AFAP1L2: variants seen among roughly 807,000 people sequenced by gnomAD.
The protein encoded by AFAP1L2 is actin filament associated protein 1 like 2.
In AFAP1L2, 46 loss-of-function variants were observed where a neutral mutation model predicts 99.3. That is an observed-to-expected ratio of 0.46 (90% CI 0.37 to 0.59). The LOEUF (loss-of-function observed/expected upper bound fraction) is 0.59. Ranked by LOEUF, AFAP1L2 falls within the 20% of genes least tolerant of loss-of-function variation. The probability of loss-of-function intolerance (pLI) is 0.00; values close to 1 mark genes in which losing one functional copy is unlikely to be tolerated. For missense variants in AFAP1L2, 959 were observed against 1,034.9 expected, an observed-to-expected ratio of 0.93 and a Z score of 1.01; for synonymous variants, 397 against 419.1, an observed-to-expected ratio of 0.95 and a Z score of 0.64.
At chr10:114,392,426 T>A (rs1435037556) in intron 1 of AFAP1L2, among the ~76,000 whole-genome samples, 1 of 152,132 alleles carries the variant, frequency 6.6e-6, no homozygotes, top group Non-Finnish European at 1.5e-5. Flanking sequence ...TTTGTGTGCA[T>A]CCAAGTTAAA....
intron 1 of AFAP1L2, among the ~76,000 whole-genome samples, chr10:114,370,392 C>T (rs2053930092): frequency 6.6e-6 from 1 of 152,202 alleles, no homozygotes; most frequent in African/African-American, 2.4e-5. Context: ...AATGGAGTGG[C>T]TGGAAATACT....
intron 5 of AFAP1L2, among the ~76,000 whole-genome samples, chr10:114,316,422 A>T (rs1590087648): frequency 6.6e-6 from 1 of 152,306 alleles, no homozygotes; most frequent in East Asian, 1.9e-4. Flanking sequence ...TCTCCCAGTC[A>T]TAGCCCTTCT....
intron 10 of AFAP1L2, among the ~76,000 whole-genome samples, chr10:114,306,910 A>G (rs2042544744): frequency 1.3e-5 from 2 of 152,130 alleles, no homozygotes; most frequent in Non-Finnish European, 2.9e-5. Flanking sequence ...AAGCCGGAGA[A>G]TGCAAAGACA....
the AFAP1L2 span, among the ~76,000 whole-genome samples, chr10:114,284,186 A>T: frequency 6.6e-6 from 1 of 152,254 alleles, no homozygotes; most frequent in African/African-American, 2.4e-5. Flanking sequence ...TTTCCCATGT[A>T]AACTTTCAGC....
At chr10:114,368,684 G>A (rs1353135695) in intron 1 of AFAP1L2, among the ~76,000 whole-genome samples, 2 of 151,488 alleles carry the variant, frequency 1.3e-5, no homozygotes, top group African/African-American at 4.9e-5. Flanking sequence ...CAAAGTGCTG[G>A]GATTGCAGGC....
the AFAP1L2 span, among the ~76,000 whole-genome samples, chr10:114,287,639 C>A: frequency 6.6e-6 from 1 of 151,988 alleles, no homozygotes; most frequent in African/African-American, 2.4e-5. Context: ...CCACCCTGCC[C>A]CTCCAGGCTG....
intron 1 of AFAP1L2, among the ~76,000 whole-genome samples, chr10:114,378,863 T>C (rs1397863045): frequency 1.3e-5 from 2 of 152,058 alleles, no homozygotes; most frequent in African/African-American, 2.4e-5. Context: ...TAAGACAAAG[T>C]CAGCAAAATT....
At chr10:114,340,561 T>A in intron 2 of AFAP1L2, 42 bp downstream of exon 2, 1 of 1,587,850 alleles carries the variant, frequency 6.3e-7, no homozygotes. Context: ...AACCATCTCT[T>A]TTGGCGTGGA....
intron 1 of AFAP1L2, among the ~76,000 whole-genome samples, chr10:114,381,947 A>T (rs1285312155): frequency 1.3e-5 from 2 of 152,194 alleles, no homozygotes; most frequent in Non-Finnish European, 2.9e-5. Flanking sequence ...AGTATAAATT[A>T]TCAGGAAGAG....
chr10:114,285,123 G>A, the AFAP1L2 span: 845 of 591,562 alleles, frequency 1.4e-3, 3 homozygotes, highest in African/African-American at 0.014. Flanking sequence ...TTCACGTGGT[G>A]CAGCCTGTCA....
chr10:114,335,167 T>C (rs1189003157), intron 2 of AFAP1L2, among the ~76,000 whole-genome samples: 2 of 152,136 alleles, frequency 1.3e-5, no homozygotes, highest in South Asian at 2.1e-4. Context: ...ATTTTAGAGA[T>C]GATTTTGGAG....
chr10:114,334,429 T>C lies in AFAP1L2; in HGVS notation c.146-1134A>G, dbSNP rs867542070. Among the ~76,000 whole-genome samples, 9 of 152,222 alleles carry C rather than the reference T, an allele frequency of 5.9e-5. No individual in the cohort carries two copies. The South Asian group carries it at 8.3e-4, about 14-fold the overall frequency. On this transcript the variant is annotated intron_variant, in intron 2 of 18. Transcript: ENST00000304129. ...TTCCAGTGGTTAGAGACCGCGTTAC[T>C]GAGCCAAAGGACCCAGTTCTAACCT...
At chr10:114,294,300 A>G (rs1321928559), downstream of AFAP1L2, among the ~76,000 whole-genome samples, 1 of 152,206 alleles carries the variant, frequency 6.6e-6, no homozygotes, top group African/African-American at 2.4e-5. Context: ...TGGAAAATAC[A>G]TATTTCTCAA....
chr10:114,349,702 C>A (rs770622338), intron 1 of AFAP1L2, among the ~76,000 whole-genome samples: 8 of 151,194 alleles, frequency 5.3e-5, no homozygotes, highest in Non-Finnish European at 1.0e-4. Flanking sequence ...AGACTGTAGT[C>A]ATTTCTGCCT....
chr10:114,303,005 C>T (rs1175378939), intron 11 of AFAP1L2, among the ~76,000 whole-genome samples: 1 of 152,130 alleles, frequency 6.6e-6, no homozygotes, highest in Non-Finnish European at 1.5e-5. Context: ...TTTTAAATAC[C>T]TTACACTAGC....
At chr10:114,314,977 C>A (rs1488501915) in intron 6 of AFAP1L2, among the ~76,000 whole-genome samples, 3 of 152,254 alleles carry the variant, frequency 2.0e-5, no homozygotes, top group African/African-American at 7.2e-5. Context: ...CCCGTCTCTA[C>A]TAAAAATACA....
intron 1 of AFAP1L2, among the ~76,000 whole-genome samples, chr10:114,389,539 G>A (rs1331516365): frequency 2.6e-5 from 4 of 152,182 alleles, no homozygotes; most frequent in Admixed American, 6.5e-5. Flanking sequence ...ACATTTGGAC[G>A]CTGGCTGTCA....
At chr10:114,398,313 T>A (rs551045219) in intron 1 of AFAP1L2, among the ~76,000 whole-genome samples, 18 of 152,376 alleles carry the variant, frequency 1.2e-4, no homozygotes, top group African/African-American at 4.3e-4. Context: ...GTTCGTCACC[T>A]ATCTCTTTCT....
At chr10:114,403,589 T>C (rs1203420875) in intron 1 of AFAP1L2, among the ~76,000 whole-genome samples, 1 of 151,762 alleles carries the variant, frequency 6.6e-6, no homozygotes, top group Non-Finnish European at 1.5e-5. Flanking sequence ...GCCCGCAGGG[T>C]TCCTCTTAAG....
Sources: gnomAD v4.1 joint callset for allele counts (sites outside exome capture counted in the v4.1 genomes callset) on GRCh38, gnomAD v4.1.1 for gene constraint, MANE v1.5 for transcripts, NCBI Gene and HGNC (gene_info 2026-07-23, HGNC 2026-07-21) for gene names.